Variants in PAM observed in about 807,000 individuals in gnomAD.
PAM encodes peptidyl-glycine alpha-amidating monooxygenase.
In PAM, 72 loss-of-function variants were observed where a neutral mutation model predicts 122.1. The ratio of observed to expected loss-of-function variants is 0.59; its 90% CI spans 0.49 to 0.72. The LOEUF (loss-of-function observed/expected upper bound fraction) is 0.72. PAM is among the 30% of genes least tolerant of loss of function. The pLI is 0.00. For synonymous variants in PAM, 389 were observed against 404.4 expected (o/e 0.96, Z 0.46); for missense variants, 1,106 against 1,183.7 (o/e 0.93, Z 0.96).
At chr5:102,879,087 C>T (rs1790145984) in intron 3 of PAM, among the ~76,000 whole-genome samples, 1 of 152,074 alleles carries the variant, frequency 6.6e-6, no homozygotes, top group Admixed American at 6.5e-5. Flanking sequence ...TGCCACCACA[C>T]CCAGCTAATT....
chr5:102,864,184 A>ATATTT (rs1472850333), intron 1 of PAM, among the ~76,000 whole-genome samples: 29 of 133,696 alleles, frequency 2.2e-4, no homozygotes, highest in African/African-American at 8.3e-4. Context: ...ATATATATAT[A>ATATTT]TTTTTTTTTT....
intron 21 of PAM, among the ~76,000 whole-genome samples, chr5:103,011,836 C>T (rs1397358824): frequency 6.6e-6 from 1 of 152,152 alleles, no homozygotes; most frequent in Non-Finnish European, 1.5e-5. Context: ...TAAGGAACCT[C>T]CAAACTGTTC....
At chr5:102,949,282 T>C (rs901109874) in intron 9 of PAM, among the ~76,000 whole-genome samples, 1 of 152,118 alleles carries the variant, frequency 6.6e-6, no homozygotes, top group Non-Finnish European at 1.5e-5. Flanking sequence ...TAAGCCTATG[T>C]TTTCACTAAC....
At chr5:102,912,314 GAGGATGATAC>G (rs1801648088) in intron 4 of PAM, among the ~76,000 whole-genome samples, 1 of 151,908 alleles carries the variant, frequency 6.6e-6, no homozygotes, top group South Asian at 2.1e-4. Flanking sequence ...GGAGGGGGAG[GAGGATGATAC>G]AATTAGACAA....
At chr5:102,772,307 C>T (rs1185178373) in intron 1 of PAM, among the ~76,000 whole-genome samples, 1 of 152,070 alleles carries the variant, frequency 6.6e-6, no homozygotes, top group Non-Finnish European at 1.5e-5. Context: ...TGTAAACCTT[C>T]ATCCCTATTT....
At chr5:102,957,044 T>G (rs1300058925) in intron 12 of PAM, among the ~76,000 whole-genome samples, 1 of 152,178 alleles carries the variant, frequency 6.6e-6, no homozygotes, top group Non-Finnish European at 1.5e-5. Context: ...TATGTGTTTA[T>G]CTGAATGGAT....
At chr5:102,762,138 C>G (rs753434106) in intron 1 of PAM, among the ~76,000 whole-genome samples, 5 of 152,108 alleles carry the variant, frequency 3.3e-5, no homozygotes, top group Non-Finnish European at 4.4e-5. Flanking sequence ...TGGTTATCTC[C>G]CCCAAATTCC....
At chr5:102,862,652 A>G (rs921143340) in intron 1 of PAM, among the ~76,000 whole-genome samples, 9 of 152,194 alleles carry the variant, frequency 5.9e-5, no homozygotes, top group African/African-American at 2.2e-4. Flanking sequence ...CAGGCATTCA[A>G]TATATATTTG....
chr5:102,869,424 G>A (rs556667620), intron 3 of PAM, among the ~76,000 whole-genome samples: 1 of 152,286 alleles, frequency 6.6e-6, no homozygotes, highest in African/African-American at 2.4e-5. Context: ...CTTATGCAGT[G>A]TTCAGTTATG....
At chr5:102,809,868 C>G (rs766789900) in intron 1 of PAM, among the ~76,000 whole-genome samples, 23 of 152,122 alleles carry the variant, frequency 1.5e-4, no homozygotes, top group Non-Finnish European at 2.8e-4. Context: ...GACTTCATTT[C>G]TTCACTATTT....
intron 15 of PAM, chr5:102,987,602 T>G (rs1202740787): frequency 2.2e-6 from 1 of 445,808 alleles, no homozygotes; most frequent in Non-Finnish European, 4.5e-6. Flanking sequence ...CCTGATTTGA[T>G]CATGCTTGTA....
At chr5:102,806,973 A>G (rs1766401136) in intron 1 of PAM, among the ~76,000 whole-genome samples, 1 of 152,242 alleles carries the variant, frequency 6.6e-6, no homozygotes, top group Admixed American at 6.5e-5. Context: ...AGGTAGGCTT[A>G]GCTTCATCTA....
intron 1 of PAM, among the ~76,000 whole-genome samples, chr5:102,770,829 T>A (rs2431532): frequency 6.6e-6 from 1 of 151,712 alleles, no homozygotes; most frequent in East Asian, 1.9e-4. Flanking sequence ...TCTTTGTCTG[T>A]TTGTGGTATC....
intron 14 of PAM, among the ~76,000 whole-genome samples, chr5:102,971,100 C>T (rs1413439766): frequency 6.6e-6 from 1 of 152,106 alleles, no homozygotes; most frequent in Non-Finnish European, 1.5e-5. Flanking sequence ...CCACCGTGCC[C>T]AGTCCTAAAA....
chr5:102,988,334 C>G (rs1319893480), intron 15 of PAM, among the ~76,000 whole-genome samples: 1 of 143,194 alleles, frequency 7.0e-6, no homozygotes, highest in Non-Finnish European at 1.5e-5. Context: ...TACCCTATCC[C>G]AGCCCTATCC....
At position 103,007,599 on chromosome 5, in the gene PAM, G is replaced by T; in HGVS notation, c.2157G>T (p.Val719=). 1.9e-6 allele frequency: 3 copies of T among 1,613,554 alleles called. No homozygotes were observed. The highest frequency in any genetic ancestry group is 1.1e-5 in the South Asian group (1 of 91,076). The change falls in exon 20 of 26, where the codon GTG becomes GTT. Residue 719 remains valine (V), a synonymous_variant. Coordinates refer to ENST00000438793, the MANE Select transcript of PAM (RefSeq NM_001177306.2). Reference sequence around the variant, plus strand: ...TTAAAACTGACACCAAAGAATTTGTGAGAGAGATTAAGCATTCATCATTTG... The same window carrying T: ...TTAAAACTGACACCAAAGAATTTGTTAGAGAGATTAAGCATTCATCATTTG... The part of the protein sequence containing the change: ...QCFKTDTKEF[V]REIKHSSFGR...
At chr5:102,837,191 T>A (rs559423810) in intron 1 of PAM, among the ~76,000 whole-genome samples, 1 of 152,208 alleles carries the variant, frequency 6.6e-6, no homozygotes, top group African/African-American at 2.4e-5. Context: ...ACAGTAATTA[T>A]AATGTATTTC....
chr5:102,837,103 CT>C (rs1160447670), intron 1 of PAM, among the ~76,000 whole-genome samples: 9 of 152,174 alleles, frequency 5.9e-5, no homozygotes, highest in African/African-American at 1.9e-4. Context: ...CCTCTTCTCC[CT>C]CCCTTAGGGA....
intron 7 of PAM, among the ~76,000 whole-genome samples, chr5:102,943,013 C>T (rs1223678358): frequency 6.6e-6 from 1 of 152,156 alleles, no homozygotes; most frequent in Non-Finnish European, 1.5e-5. Context: ...TGAGTGTGCT[C>T]TAACCTTTAC....
Sources: allele counts gnomAD v4.1 joint callset (sites outside exome capture counted in the v4.1 genomes callset), GRCh38; gene constraint gnomAD v4.1.1; transcripts MANE v1.5; gene names NCBI Gene and HGNC (gene_info 2026-07-23, HGNC 2026-07-21).